UHRF2: variants seen among roughly 807,000 people sequenced by gnomAD.
The protein encoded by UHRF2 is E3 ubiquitin-protein ligase UHRF2.
In UHRF2, 23 loss-of-function variants were observed where a neutral mutation model predicts 96.8. That is an observed-to-expected ratio of 0.24 (90% confidence interval 0.17 to 0.34). The LOEUF (loss-of-function observed/expected upper bound fraction) is 0.34, where lower values mean the gene tolerates loss of function less well. Ranked by LOEUF, UHRF2 falls within the 10% of genes least tolerant of loss-of-function variation. The pLI, the probability that UHRF2 is intolerant of heterozygous loss-of-function variation, is 1.00. For missense variants in UHRF2, 685 were observed against 981.5 expected, an observed-to-expected ratio of 0.70 and a Z score of 4.04; for synonymous variants, 385 against 332.6, an observed-to-expected ratio of 1.16 and a Z score of -1.72.
chr9:6,431,779 T>G (rs1484729781), intron 2 of UHRF2, among the ~76,000 whole-genome samples: 1 of 152,184 alleles, frequency 6.6e-6, no homozygotes, highest in African/African-American at 2.4e-5. Context: ...GCTAGTATCT[T>G]ACATTTGATA....
intron 1 of UHRF2, chr9:6,415,162 T>C (rs904864270): frequency 1.3e-5 from 2 of 152,224 alleles, no homozygotes; most frequent in Non-Finnish European, 2.9e-5. Context: ...CTAAAATCTT[T>C]ATTATCAAAT....
At chr9:6,501,209 GTTAA>G (rs1816272855) in intron 14 of UHRF2, among the ~76,000 whole-genome samples, 1 of 151,872 alleles carries the variant, frequency 6.6e-6, no homozygotes, top group Non-Finnish European at 1.5e-5. Flanking sequence ...AGGAATCACA[GTTAA>G]TTAATGTGTG....
chr9:6,428,307 A>G (rs909443677), intron 2 of UHRF2, among the ~76,000 whole-genome samples: 2 of 152,176 alleles, frequency 1.3e-5, no homozygotes, highest in South Asian at 2.1e-4. Flanking sequence ...TAGAATAACA[A>G]TACTCCCAGG....
chr9:6,485,717 A>G (rs1461343592), intron 8 of UHRF2, among the ~76,000 whole-genome samples: 1 of 142,818 alleles, frequency 7.0e-6, no homozygotes, highest in Non-Finnish European at 1.5e-5. Context: ...TAATCCCAAC[A>G]CTATTGGGGG....
intron 9 of UHRF2, among the ~76,000 whole-genome samples, chr9:6,490,992 C>T (rs984232386): frequency 6.6e-6 from 1 of 152,196 alleles, no homozygotes; most frequent in Non-Finnish European, 1.5e-5. Flanking sequence ...GTATAAATTT[C>T]ATGAAGCCAG....
chr9:6,488,489 C>G (rs929351439), intron 9 of UHRF2, among the ~76,000 whole-genome samples: 68 of 150,480 alleles, frequency 4.5e-4, no homozygotes, highest in Non-Finnish European at 8.9e-4. Context: ...ACGTAGCCCC[C>G]CCACTGCTTC....
chr9:6,506,379 C>T lies in UHRF2; in HGVS notation c.*200C>T. 1 of 549,954 alleles carries T rather than the reference C, an allele frequency of 1.8e-6. No individual in the cohort carries two copies. The highest frequency in any genetic ancestry group is 2.9e-6 in the Non-Finnish European group (1 of 339,530). 34.1% of individuals were successfully genotyped at this position (549,954 alleles called of 1,614,324 possible). On this transcript the variant is annotated 3_prime_UTR_variant, in exon 16 of 16. Coordinates refer to ENST00000276893, the MANE Select transcript of UHRF2 (RefSeq NM_152896.3). ...GTCTTTTAAATATCTAAAGGTAGTTCCTGTAACAACTAGTTTTAATGAGTA... is the reference window on the plus strand; with the variant it reads ...GTCTTTTAAATATCTAAAGGTAGTTTCTGTAACAACTAGTTTTAATGAGTA...
chr9:6,491,371 C>A (rs13285035), intron 9 of UHRF2, among the ~76,000 whole-genome samples: 1 of 152,114 alleles, frequency 6.6e-6, no homozygotes, highest in African/African-American at 2.4e-5. Context: ...ATTAATTATA[C>A]GTAAAATGCT....
intron 14 of UHRF2, 126 bp from the exon 15 acceptor site, chr9:6,504,467 C>T (rs1816479132): frequency 1.7e-6 from 1 of 599,446 alleles, no homozygotes; most frequent in Non-Finnish European, 2.9e-6. Context: ...TCACTATAAA[C>T]ATCTTTTATG....
rs1364638194 is a variant in UHRF2, at chr9:6,413,593, C to T, written c.103C>T (p.Leu35=). The T allele has an allele frequency of 1.2e-6, 2 of 1,601,828 alleles. No individual in the cohort carries two copies. Among genetic ancestry groups the T allele is most frequent in the Non-Finnish European group, 8.5e-7 (1 of 1,174,782 alleles). The change falls in exon 1 of 16, where the codon CTG becomes TTG. Residue 35 remains leucine, a synonymous_variant. Transcript: ENST00000276893. ...GGAGCTGCGCGAGCGGGTGTGGGCG[C>T]TGTTCGACGTGCGGCCCGAATGCCA... ...IEELRERVWA[L]FDVRPECQRL...
intron 3 of UHRF2, among the ~76,000 whole-genome samples, chr9:6,447,168 C>T (rs190352134): frequency 1.3e-5 from 2 of 152,314 alleles, no homozygotes; most frequent in African/African-American, 4.8e-5. Context: ...GGATTACAGG[C>T]ATGAGCCACC....
rs556669856 is a variant in UHRF2, at chr9:6,475,860, T to G, written c.973+360T>G. Reference sequence around the variant, plus strand: ...ACTGGGATATTCATCACCTCAAACATTCTATCATTTTTTGTGTGTGTTGGG... The same window carrying G: ...ACTGGGATATTCATCACCTCAAACAGTCTATCATTTTTTGTGTGTGTTGGG... On this transcript the variant is annotated intron_variant, in intron 5 of 15. Coordinates refer to ENST00000276893, the MANE Select transcript of UHRF2 (RefSeq NM_152896.3). Among the ~76,000 whole-genome samples, 22 of 152,286 alleles carry G rather than the reference T, an allele frequency of 1.4e-4. No homozygotes were observed. In the South Asian group the frequency reaches 3.3e-3, roughly 23 times the overall value.
chr9:6,506,874 A>AT lies in UHRF2; in HGVS notation c.*696dup, dbSNP rs908494033. 6.6e-6 allele frequency: 1 copy of AT among 152,626 alleles called. No individual in the cohort carries two copies. The highest frequency in any genetic ancestry group is 2.4e-5 in the African/African-American group (1 of 41,450). The allele number at this position is 152,626 out of a possible 1,614,324, so 9.5% of individuals were successfully genotyped here. The stretch of plus-strand genomic sequence containing the variant: ...GCTCTAGTTGTAAATGTTCATGAAA[A>AT]TCCACTTCTCTACTAGTCGAACTGC... On this transcript the variant is annotated 3_prime_UTR_variant, in exon 16 of 16. Transcript: ENST00000276893.
intron 4 of UHRF2, chr9:6,468,684 T>C (rs1228821227): frequency 2.2e-6 from 1 of 455,942 alleles, no homozygotes; most frequent in African/African-American, 2.0e-5. Flanking sequence ...GGACTTCTGC[T>C]GGACAAGAGG....
intron 9 of UHRF2, among the ~76,000 whole-genome samples, chr9:6,487,212 T>C (rs1414812347): frequency 8.2e-6 from 1 of 122,056 alleles, no homozygotes; most frequent in Non-Finnish European, 1.7e-5. Context: ...TTTTTTGAGA[T>C]GGAGTCTCGC....
chr9:6,441,798 T>C (rs141293069), intron 3 of UHRF2, among the ~76,000 whole-genome samples: 5 of 152,018 alleles, frequency 3.3e-5, no homozygotes, highest in African/African-American at 1.2e-4. Context: ...TTTTCTAAAA[T>C]TATATTTCAT....
chr9:6,463,713 T>G (rs1407284583), intron 4 of UHRF2, among the ~76,000 whole-genome samples: 2 of 152,140 alleles, frequency 1.3e-5, no homozygotes, highest in Non-Finnish European at 2.9e-5. Context: ...TCAGGCTATC[T>G]GCCTGCCTCA....
chr9:6,484,371 G>T (rs1298673318), intron 8 of UHRF2, among the ~76,000 whole-genome samples: 2 of 151,468 alleles, frequency 1.3e-5, no homozygotes, highest in East Asian at 3.9e-4. Context: ...GGCGGCGGTG[G>T]TGGCAGGTGT....
At chr9:6,428,739 G>A (rs1587774794) in intron 2 of UHRF2, among the ~76,000 whole-genome samples, 1 of 152,006 alleles carries the variant, frequency 6.6e-6, no homozygotes, top group East Asian at 1.9e-4. Context: ...CGTAGAGACA[G>A]AGTTTCACTA....
Sources: allele counts gnomAD v4.1 joint callset (sites outside exome capture counted in the v4.1 genomes callset), GRCh38; gene constraint gnomAD v4.1.1; transcripts MANE v1.5; gene names NCBI Gene and HGNC (gene_info 2026-07-23, HGNC 2026-07-21).